AMH: variants seen among roughly 807,000 people sequenced by gnomAD.
AMH encodes the protein anti-Muellerian hormone.
AMH carries 39 observed loss-of-function variants against 33.3 expected under a neutral mutation model. That is an observed-to-expected ratio of 1.17 (90% CI 0.91 to 1.53). AMH has a LOEUF of 1.53. Among genes scored for constraint, AMH ranks in the 40% most tolerant of loss-of-function variants. AMH has a pLI of 0.00. For synonymous variants in AMH, 536 were observed against 403.0 expected, an observed-to-expected ratio of 1.33 and a Z score of -3.95; for missense variants, 1,019 against 799.8, an observed-to-expected ratio of 1.27 and a Z score of -3.30.
Position 2,249,834 on chromosome 19 carries a change from C to G in AMH, c.412+90C>G, listed in dbSNP as rs2024998058. The G allele has an allele frequency of 7.2e-6, 10 of 1,379,784 alleles. No individual in the cohort carries two copies. The Admixed American group carries it at 2.3e-4, about 32-fold the overall frequency. 85.5% of individuals were successfully genotyped at this position (1,379,784 alleles called of 1,614,324 possible). A position where few individuals can be genotyped will look rare whatever the true frequency, so the allele number is the denominator to read the frequency against. ...GGGAAGATCAGGGGCTGGCAGAGCC[C>G]CCACCCTGGGCAGGGAGGCTGTGGT... On this transcript the variant is annotated intron_variant, in intron 1 of 4. Coordinates refer to ENST00000221496, the MANE Select transcript of AMH (RefSeq NM_000479.5).
At position 2,249,498 on chromosome 19, in the gene AMH, C is replaced by T. The variant is rs150481705; in HGVS notation, c.166C>T (p.Leu56=). Residue 56 remains leucine (L), a synonymous_variant, in exon 1 of 5, where the codon CTG becomes TTG. Coordinates refer to ENST00000221496, the MANE Select transcript of AMH (RefSeq NM_000479.5). ...AGGCAGCCCACAAGAGCCTCTGTGC[C>T]TGGTGGCACTGGGCGGGGACAGCAA... ...PPGSPQEPLC[L]VALGGDSNGS... 37 of 1,606,610 alleles carry T rather than the reference C, an allele frequency of 2.3e-5. No homozygotes were observed. The highest frequency in any genetic ancestry group is 2.9e-5 in the Non-Finnish European group (34 of 1,177,788).
rs923936580 is a variant in AMH at position 2,251,387 on chromosome 19, G to A, written c.1113G>A (p.Trp371Ter). ...TGCACGACCCCACGTCGGCGCCGTGGGCCACGGCCCTGGCGCGCCGCGTGG... is the reference window on the plus strand; with the variant it reads ...TGCACGACCCCACGTCGGCGCCGTGAGCCACGGCCCTGGCGCGCCGCGTGG... ...APLHDPTSAPWATALARRVAA... is the reference protein window; with the variant it reads ...APLHDPTSAP Residue 371 changes from tryptophan to a stop codon, truncating the protein, a stop_gained, in exon 5 of 5, where the codon TGG becomes TGA. Transcript: ENST00000221496. LOFTEE classifies it low-confidence loss of function (END_TRUNC). 2 of 1,466,444 alleles carry A rather than the reference G, an allele frequency of 1.4e-6. No individual in the cohort carries two copies. The highest frequency in any genetic ancestry group is 1.8e-6 in the Non-Finnish European group (2 of 1,116,294). 90.8% of individuals were successfully genotyped at this position (1,466,444 alleles called of 1,614,324 possible). A position where few individuals can be genotyped will look rare whatever the true frequency, so the allele number is the denominator to read the frequency against.
chr19:2,249,763 C>T lies in AMH; in HGVS notation c.412+19C>T, dbSNP rs1390623132. On this transcript the variant is annotated intron_variant, in intron 1 of 4. Coordinates refer to ENST00000221496, the MANE Select transcript of AMH (RefSeq NM_000479.5). ...GAGGAAGGTATGTGGGGCCCAGCCC[C>T]AAGCTTGGCACCGCCGTCTTCCTTC... 1 of 1,490,070 alleles carries T rather than the reference C, an allele frequency of 6.7e-7. No homozygotes were observed. Among genetic ancestry groups the T allele is most frequent in the Non-Finnish European group, 8.9e-7 (1 of 1,124,562 alleles). The allele number at this position is 1,490,070 out of a possible 1,614,324, so 92.3% of individuals were successfully genotyped here.
In AMH at chr19:2,250,744, G is replaced by A. The variant is rs1484821908; in HGVS notation, c.648G>A (p.Leu216=). Residue 216 remains leucine (L), a synonymous_variant, in exon 3 of 5, where the codon CTG becomes CTA. Coordinates refer to ENST00000221496, the MANE Select transcript of AMH (RefSeq NM_000479.5). ...AWRGSGLALT[L]QPRGEDSRLS... is the part of the protein sequence containing the mutation. ...GCGGCTCCGGGCTGGCCTTGACCCT[G>A]CAGCCCCGCGGAGAGGGTAGGTCCG... The A allele has an allele frequency of 1.3e-6, 2 of 1,536,154 alleles. No homozygotes were observed. The highest frequency in any genetic ancestry group is 2.0e-5 in the Admixed American group (1 of 51,268).
rs907222158 is a variant in AMH at position 2,250,432 on chromosome 19, C to T, written c.508C>T (p.Pro170Ser). ...GGCGCTGCTGGTGCTGTACCCTGGG[C>T]CTGGCCCTGAGGTCACTGTGACGAG... is the stretch of plus-strand genomic sequence containing the variant. ...ELALLVLYPGPGPEVTVTRAG... is the reference protein window; with the variant it reads ...ELALLVLYPGSGPEVTVTRAG... Residue 170 changes from proline (P) to serine (S), a missense_variant, in exon 2 of 5, where the codon CCT becomes TCT. Transcript: ENST00000221496. 3.2e-6 allele frequency: 5 copies of T among 1,558,520 alleles called. No individual in the cohort carries two copies. The Admixed American group carries it at 5.8e-5, about 18-fold the overall frequency.
chr19:2,251,052 G>A (rs772753956), intron 4 of AMH, 44 bp downstream of exon 4: 7 of 1,528,020 alleles, frequency 4.6e-6, no homozygotes, highest in African/African-American at 1.4e-5. Flanking sequence ...GGGCGGGGGC[G>A]GCGTGGCCTC....
rs768805891 is a variant in AMH, at chr19:2,249,511, G to T, written c.179G>T (p.Gly60Val). Reference sequence around the variant, plus strand: ...GAGCCTCTGTGCCTGGTGGCACTGGGCGGGGACAGCAATGGCAGCAGCTCC... The same window carrying T: ...GAGCCTCTGTGCCTGGTGGCACTGGTCGGGGACAGCAATGGCAGCAGCTCC... ...PQEPLCLVALGGDSNGSSSPL... is the reference protein window; with the variant it reads ...PQEPLCLVALVGDSNGSSSPL... The change falls in exon 1 of 5, where the codon GGC (glycine) becomes GTC (valine). Residue 60 changes from glycine to valine, a missense_variant. By Grantham distance (109) the Gly-to-Val change is moderately radical (BLOSUM62 -3). Coordinates refer to ENST00000221496, the MANE Select transcript of AMH (RefSeq NM_000479.5). 4 of 1,605,484 alleles carry T rather than the reference G, an allele frequency of 2.5e-6. No homozygotes were observed. The highest frequency in any genetic ancestry group is 3.4e-6 in the Non-Finnish European group (4 of 1,177,378).
Position 2,249,753 on chromosome 19 carries a change from G to T in AMH, c.412+9G>T. 6.7e-7 allele frequency: 1 copy of T among 1,497,056 alleles called. No homozygotes were observed. The highest frequency in any genetic ancestry group is 2.3e-5 in the East Asian group (1 of 43,480). 92.7% of individuals were successfully genotyped at this position (1,497,056 alleles called of 1,614,324 possible). Reference sequence around the variant, plus strand: ...CCTACACCTGGAGGAAGGTATGTGGGGCCCAGCCCCAAGCTTGGCACCGCC... The same window carrying T: ...CCTACACCTGGAGGAAGGTATGTGGTGCCCAGCCCCAAGCTTGGCACCGCC... On this transcript the variant is annotated intron_variant, in intron 1 of 4. Coordinates refer to ENST00000221496, the MANE Select transcript of AMH (RefSeq NM_000479.5).
In AMH at chr19:2,250,960, CG is replaced by C; in HGVS notation, c.777del (p.Leu260CysfsTer68). On this transcript the variant is annotated frameshift_variant, in exon 4 of 5. Transcript: ENST00000221496. LOFTEE classifies it low-confidence loss of function (END_TRUNC). ...LLLLPRSEPA[P>X]LPAHGQLDTV... is the part of the protein sequence containing the mutation. ...CTGCTGCCGCGGTCCGAGCCCGCGCCGCTGCCTGCGCACGGCCAGCTGGACA... is the reference window on the plus strand; with the variant it reads ...CTGCTGCCGCGGTCCGAGCCCGCGCCCTGCCTGCGCACGGCCAGCTGGACA... 6.6e-7 allele frequency: 1 copy of C among 1,522,160 alleles called. No homozygotes were observed. The highest frequency in any genetic ancestry group is 8.8e-7 in the Non-Finnish European group (1 of 1,142,582). The allele number at this position is 1,522,160 out of a possible 1,614,324, so 94.3% of individuals were successfully genotyped here. A position where few individuals can be genotyped will look rare whatever the true frequency, so the allele number is the denominator to read the frequency against.
At chr19:2,250,218 C>T (rs2025004288) in intron 1 of AMH, 119 bp from the exon 2 acceptor site, 2 of 1,489,426 alleles carry the variant, frequency 1.3e-6, no homozygotes, top group South Asian at 1.2e-5. Flanking sequence ...AAGAGGGGCA[C>T]CCTTGTCCCC....
Position 2,250,991 on chromosome 19 carries a change from G to T in AMH, c.807G>T (p.Val269=). 2.6e-6 allele frequency: 4 copies of T among 1,514,838 alleles called. No homozygotes were observed. The highest frequency in any genetic ancestry group is 3.5e-6 in the Non-Finnish European group (4 of 1,138,390). The allele number at this position is 1,514,838 out of a possible 1,614,324, so 93.8% of individuals were successfully genotyped here. Residue 269 remains valine (V), a synonymous_variant, in exon 4 of 5, where the codon GTG becomes GTT. Coordinates refer to ENST00000221496, the MANE Select transcript of AMH (RefSeq NM_000479.5). ...PLPAHGQLDT[V]PFPPPRPSAE... is the part of the protein sequence containing the mutation. The stretch of plus-strand genomic sequence containing the variant: ...CTGCGCACGGCCAGCTGGACACCGT[G>T]CCCTTCCCGCCGCCCAGGTGCGCGC...
In AMH at chr19:2,251,462, G is replaced by A; in HGVS notation, c.1188G>A (p.Leu396=). The change falls in exon 5 of 5, where the codon CTG becomes CTA. Residue 396 remains leucine (L), a synonymous_variant. Coordinates refer to ENST00000221496, the MANE Select transcript of AMH (RefSeq NM_000479.5). ...CCGAGCTGCGAAGCCTCCCGGGTCT[G>A]CCTCCGGCCACAGCCCCGCTGCTGG... ...AAAELRSLPG[L]PPATAPLLAR... The A allele has an allele frequency of 3.5e-6, 5 of 1,419,824 alleles. No homozygotes were observed. Among genetic ancestry groups the A allele is most frequent in the Non-Finnish European group, 4.6e-6 (5 of 1,091,592 alleles). 88.0% of individuals were successfully genotyped at this position (1,419,824 alleles called of 1,614,324 possible).
intron 1 of AMH, 109 bp from the exon 2 acceptor site, chr19:2,250,228 C>T: frequency 6.6e-7 from 1 of 1,511,172 alleles, no homozygotes; most frequent in African/African-American, 1.4e-5. Context: ...CCCTTGTCCC[C>T]CGCTTGAGGT....
At position 2,251,362 on chromosome 19, in the gene AMH, T is replaced by C; in HGVS notation, c.1088T>C (p.Leu363Pro). The C allele has an allele frequency of 6.7e-7, 1 of 1,481,552 alleles. No individual in the cohort carries two copies. Among genetic ancestry groups the C allele is most frequent in the Non-Finnish European group, 8.9e-7 (1 of 1,123,194 alleles). 91.8% of individuals were successfully genotyped at this position (1,481,552 alleles called of 1,614,324 possible). ...GCCACCACCGGGGATCCTGCGCCCC[T>C]GCACGACCCCACGTCGGCGCCGTGG... is the stretch of plus-strand genomic sequence containing the variant. ...TAATTGDPAPLHDPTSAPWAT... is the reference protein window; with the variant it reads ...TAATTGDPAPPHDPTSAPWAT... Residue 363 changes from leucine (L) to proline (P), a missense_variant, in exon 5 of 5, where the codon CTG becomes CCG. Coordinates refer to ENST00000221496, the MANE Select transcript of AMH (RefSeq NM_000479.5).
At position 2,249,636 on chromosome 19, in the gene AMH, GT is replaced by G; in HGVS notation, c.305del (p.Val102AlafsTer37). 6.5e-7 allele frequency: 1 copy of G among 1,528,246 alleles called. No individual in the cohort carries two copies. Among genetic ancestry groups the G allele is most frequent in the Admixed American group, 2.1e-5 (1 of 48,164 alleles). 94.7% of individuals were successfully genotyped at this position (1,528,246 alleles called of 1,614,324 possible). ...WGPRDLATFG[V>X]CNTGDRQAAL... Reference sequence around the variant, plus strand: ...CCCCCGAGACCTGGCCACCTTCGGGGTCTGCAACACCGGTGACAGGCAGGCT... The same window carrying G: ...CCCCCGAGACCTGGCCACCTTCGGGGCTGCAACACCGGTGACAGGCAGGCT... On this transcript the variant is annotated frameshift_variant, in exon 1 of 5. Transcript: ENST00000221496. LOFTEE classifies it high-confidence loss of function.
rs1406833013 is a variant in AMH at position 2,249,578 on chromosome 19, C to T, written c.246C>T (p.Ala82=). The change falls in exon 1 of 5, where the codon GCC becomes GCT. Residue 82 remains alanine (A), a synonymous_variant. Coordinates refer to ENST00000221496, the MANE Select transcript of AMH (RefSeq NM_000479.5). Reference sequence around the variant, plus strand: ...GGGCTCTAAGCGCCTATGAGCAGGCCTTCCTGGGGGCCGTGCAGAGGGCCC... The same window carrying T: ...GGGCTCTAAGCGCCTATGAGCAGGCTTTCCTGGGGGCCGTGCAGAGGGCCC... ...VVGALSAYEQ[A]FLGAVQRARW... 3.2e-6 allele frequency: 5 copies of T among 1,570,910 alleles called. No homozygotes were observed. Among genetic ancestry groups the T allele is most frequent in the East Asian group, 2.3e-5 (1 of 42,736 alleles).
intron 1 of AMH, chr19:2,250,129 C>T (rs1030575518): frequency 6.3e-6 from 5 of 795,662 alleles, no homozygotes; most frequent in East Asian, 2.7e-5. Context: ...GACCCCAGGG[C>T]GGCAGCCCCA....
Position 2,251,565 on chromosome 19 carries a change from C to A in AMH, c.1291C>A (p.Leu431Met). The A allele has an allele frequency of 7.6e-7, 1 of 1,312,472 alleles. No individual in the cohort carries two copies. The highest frequency in any genetic ancestry group is 3.3e-5 in the East Asian group (1 of 30,656). The allele number at this position is 1,312,472 out of a possible 1,614,324, so 81.3% of individuals were successfully genotyped here. A position where few individuals can be genotyped will look rare whatever the true frequency, so the allele number is the denominator to read the frequency against. Residue 431 changes from leucine (L) to methionine (M), a missense_variant, in exon 5 of 5, where the codon CTG becomes ATG. Transcript: ENST00000221496. The part of the protein sequence containing the change: ...PLRALLLLKA[L>M]QGLRVEWRGR... ...GCGAGCGCTGCTGCTCCTGAAGGCG[C>A]TGCAGGGCCTGCGCGTGGAGTGGCG...
Position 2,251,861 on chromosome 19 carries a change from C to A in AMH, c.1587C>A (p.Thr529=), listed in dbSNP as rs751229805. The change falls in exon 5 of 5, where the codon ACC becomes ACA. Residue 529 remains threonine, a synonymous_variant. Coordinates refer to ENST00000221496, the MANE Select transcript of AMH (RefSeq NM_000479.5). ...ALARPPCCVP[T]AYAGKLLISL... ...CGCGCCCACCCTGCTGCGTGCCCAC[C>A]GCCTACGCGGGCAAGCTGCTCATCA... 1.3e-5 allele frequency: 21 copies of A among 1,591,210 alleles called. No individual in the cohort carries two copies. The highest frequency in any genetic ancestry group is 1.7e-4 in the Middle Eastern group (1 of 5,904).
Sources: allele counts gnomAD v4.1 joint callset, GRCh38; gene constraint gnomAD v4.1.1; transcripts MANE v1.5; gene names NCBI Gene and HGNC (gene_info 2026-07-23, HGNC 2026-07-21).